The following ZNF385D variants were observed in gnomAD, a reference collection of about 807,000 sequenced individuals.
ZNF385D encodes the protein zinc finger protein 385D.
ZNF385D carries 15 observed loss-of-function variants against 35.8 expected under a neutral mutation model. The observed-to-expected ratio is 0.42, with a 90% CI of 0.28 to 0.64. The LOEUF is 0.64. ZNF385D is among the 30% of genes least tolerant of loss of function. The probability of loss-of-function intolerance (pLI) is 0.23; values close to 1 mark genes in which losing one functional copy is unlikely to be tolerated. For synonymous variants in ZNF385D, 212 were observed against 186.8 expected, an observed-to-expected ratio of 1.13 and a Z score of -1.10; for missense variants, 474 against 494.6, an observed-to-expected ratio of 0.96 and a Z score of 0.39.
chr3:22,163,831 T>G (rs1706127530), intron 3 of ZNF385D, among the ~76,000 whole-genome samples: 1 of 152,254 alleles, frequency 6.6e-6, no homozygotes, highest in African/African-American at 2.4e-5. Context: ...GCAATCATTT[T>G]GCAATTGTGC....
chr3:22,032,352 C>CA (rs1324872002), intron 3 of ZNF385D, among the ~76,000 whole-genome samples: 1 of 152,118 alleles, frequency 6.6e-6, no homozygotes, highest in Non-Finnish European at 1.5e-5. Context: ...GACAAGGCAG[C>CA]AGGAGAGAGA....
intron 3 of ZNF385D, among the ~76,000 whole-genome samples, chr3:21,536,599 A>G (rs866939772): frequency 1.3e-5 from 2 of 152,256 alleles, no homozygotes; most frequent in South Asian, 2.1e-4. Context: ...ATTAAGCACT[A>G]TATATGAAGC....
chr3:22,222,355 A>G lies in ZNF385D; in HGVS notation c.107-53320T>C, dbSNP rs570729753. On this transcript the variant is annotated intron_variant, in intron 2 of 5. Coordinates refer to the ZNF385D transcript ENST00000494108. ...AAAAAAGAAAAAAAAATCTAAGATA[A>G]TAACCTACTGAATGAAAAAAACTTG... 6.6e-5 allele frequency among the ~76,000 whole-genome samples: 10 copies of G among 152,306 alleles called. No homozygotes were observed. In the East Asian group the frequency reaches 1.9e-3, roughly 29 times the overall value.
chr3:21,752,635 A>G (rs2070156102), upstream of ZNF385D, among the ~76,000 whole-genome samples: 1 of 152,110 alleles, frequency 6.6e-6, no homozygotes. Flanking sequence ...GAAAGTAGGT[A>G]AGCAAATATA....
At chr3:21,430,236 CAAAT>C (rs1419571525) in intron 5 of ZNF385D, among the ~76,000 whole-genome samples, 1 of 150,540 alleles carries the variant, frequency 6.6e-6, no homozygotes, top group Non-Finnish European at 1.5e-5. Flanking sequence ...AATATTGCCC[CAAAT>C]AAGAAAAAAA....
At chr3:21,687,440 T>C (rs150264469) in intron 1 of ZNF385D, among the ~76,000 whole-genome samples, 12 of 152,296 alleles carry the variant, frequency 7.9e-5, no homozygotes, top group East Asian at 3.9e-4. Flanking sequence ...TTTATGTTCA[T>C]AGCAATATTG....
intron 3 of ZNF385D, among the ~76,000 whole-genome samples, chr3:21,830,227 T>TGA (rs1411271182): frequency 3.9e-5 from 6 of 152,174 alleles, no homozygotes; most frequent in Non-Finnish European, 8.8e-5. Context: ...AAACTGACAC[T>TGA]CTGTCTGTTA....
chr3:21,746,297 C>G (rs76642688), intron 1 of ZNF385D, among the ~76,000 whole-genome samples: 2,698 of 152,236 alleles, frequency 0.018, 76 homozygotes, highest in African/African-American at 0.061. Context: ...ATTACAACAA[C>G]TGTGGAGGTC....
At chr3:22,061,267 A>T (rs1410566324) in intron 3 of ZNF385D, among the ~76,000 whole-genome samples, 1 of 152,172 alleles carries the variant, frequency 6.6e-6, no homozygotes, top group Non-Finnish European at 1.5e-5. Context: ...ATATTAACTG[A>T]ATAATATCAT....
At chr3:22,249,601 G>C (rs1485913361) in intron 2 of ZNF385D, among the ~76,000 whole-genome samples, 1 of 152,166 alleles carries the variant, frequency 6.6e-6, no homozygotes, top group East Asian at 1.9e-4. Flanking sequence ...GGTCAGACAG[G>C]CTGATTCGTT....
intron 4 of ZNF385D, among the ~76,000 whole-genome samples, chr3:21,500,337 G>T (rs1359112287): frequency 1.3e-5 from 2 of 152,144 alleles, no homozygotes; most frequent in Non-Finnish European, 1.5e-5. Context: ...TAGGTTTAAT[G>T]TAAAACTGTG....
At chr3:21,801,248 T>C (rs959268664) in intron 3 of ZNF385D, among the ~76,000 whole-genome samples, 4 of 152,180 alleles carry the variant, frequency 2.6e-5, no homozygotes, top group Non-Finnish European at 4.4e-5. Context: ...AGGATTTTTG[T>C]GTGTGTCAGT....
intron 3 of ZNF385D, among the ~76,000 whole-genome samples, chr3:21,947,930 G>A (rs1701875735): frequency 6.6e-6 from 1 of 152,088 alleles, no homozygotes; most frequent in South Asian, 2.1e-4. Flanking sequence ...TAGAGAGCAA[G>A]ATACTGTTTT....
At chr3:21,775,766 CTAGAG>C (rs764924231) in intron 3 of ZNF385D, among the ~76,000 whole-genome samples, 30 of 151,782 alleles carry the variant, frequency 2.0e-4, no homozygotes, top group Non-Finnish European at 4.3e-4. Flanking sequence ...GAATATCCTT[CTAGAG>C]TAAATTTTTA....
chr3:22,135,378 T>C (rs1237769009), intron 3 of ZNF385D, among the ~76,000 whole-genome samples: 1 of 152,020 alleles, frequency 6.6e-6, no homozygotes, highest in African/African-American at 2.4e-5. Flanking sequence ...CAAGCAATAA[T>C]AATTGAAAAC....
intron 2 of ZNF385D, among the ~76,000 whole-genome samples, chr3:22,205,438 C>T (rs898394030): frequency 1.9e-4 from 29 of 151,118 alleles, no homozygotes; most frequent in African/African-American, 6.6e-4. Context: ...TCTGAAGGTA[C>T]AAAACTTGCT....
intron 3 of ZNF385D, chr3:21,542,830 T>A (rs914497853): frequency 1.3e-5 from 2 of 152,202 alleles, no homozygotes. Flanking sequence ...TCCCTTTTTT[T>A]CTTCCCGCCG....
At chr3:21,633,622 T>G (rs2065344234) in intron 2 of ZNF385D, among the ~76,000 whole-genome samples, 1 of 152,096 alleles carries the variant, frequency 6.6e-6, no homozygotes, top group African/African-American at 2.4e-5. Context: ...TCTCCTGACT[T>G]CACTGAGGAA....
At chr3:22,305,178 T>C (rs1233651788) in intron 2 of ZNF385D, among the ~76,000 whole-genome samples, 1 of 152,136 alleles carries the variant, frequency 6.6e-6, no homozygotes, top group Non-Finnish European at 1.5e-5. Flanking sequence ...TAGATTTTAT[T>C]GAGAACAAAA....
Sources: allele counts gnomAD v4.1 joint callset (sites outside exome capture counted in the v4.1 genomes callset), GRCh38; gene constraint gnomAD v4.1.1; transcripts MANE v1.5; gene names NCBI Gene and HGNC (gene_info 2026-07-23, HGNC 2026-07-21).